AUH: variants seen among roughly 807,000 people sequenced by gnomAD.
The protein encoded by AUH is AU RNA binding methylglutaconyl-CoA hydratase, also known as methylglutaconyl-CoA hydratase, mitochondrial.
Under a neutral mutation model 42.3 loss-of-function variants are expected in AUH, and 29 were observed. The observed-to-expected ratio is 0.69, with a 90% confidence interval of 0.51 to 0.93. The LOEUF is 0.93. Ranked by LOEUF, AUH falls within the 40% of genes least tolerant of loss-of-function variation. The probability of loss-of-function intolerance (pLI) is 0.00; values close to 1 mark genes in which losing one functional copy is unlikely to be tolerated. For synonymous variants in AUH, 174 were observed against 166.4 expected, an observed-to-expected ratio of 1.05 and a Z score of -0.35; for missense variants, 452 against 438.1, an observed-to-expected ratio of 1.03 and a Z score of -0.28.
intron 3 of AUH, among the ~76,000 whole-genome samples, chr9:91,349,922 C>T (rs904537270): frequency 2.6e-5 from 4 of 152,076 alleles, no homozygotes; most frequent in Admixed American, 1.3e-4. Context: ...TTCTAATCTA[C>T]AAGAAAGAAT....
chr9:91,357,479 C>T (rs184042847), intron 1 of AUH: 14 of 966,746 alleles, frequency 1.4e-5, no homozygotes, highest in Admixed American at 6.2e-5. Flanking sequence ...ATACTGAGTA[C>T]GTACTATAGT....
chr9:91,288,549 C>CAAT (rs1183435508), intron 6 of AUH, among the ~76,000 whole-genome samples: 1 of 151,958 alleles, frequency 6.6e-6, no homozygotes, highest in Non-Finnish European at 1.5e-5. Flanking sequence ...TGCTTCAAAT[C>CAAT]AATAGTGTTT....
rs542293212 is a variant in AUH, at chr9:91,233,371, T to C, written c.656-12379A>G. Among the ~76,000 whole-genome samples, 152 of 152,210 alleles carry C rather than the reference T, an allele frequency of 1.0e-3. 1 individual carries two copies. The highest frequency in any genetic ancestry group is 3.3e-3 in the African/African-American group (139 of 41,532). On this transcript the variant is annotated intron_variant, in intron 6 of 9. Transcript: ENST00000375731. ...TTGTGGAGCACAAGGAGGTCCAGTG[T>C]GGCTGAAGTGCACAGCAGGGGCAGA...
chr9:91,238,946 G>T (rs1828343264), intron 6 of AUH, among the ~76,000 whole-genome samples: 2 of 152,144 alleles, frequency 1.3e-5, no homozygotes, highest in Non-Finnish European at 2.9e-5. Context: ...AAGACCAAAA[G>T]ACCTAAATTC....
chr9:91,291,297 T>C (rs1389009035), intron 6 of AUH, among the ~76,000 whole-genome samples: 1 of 152,158 alleles, frequency 6.6e-6, no homozygotes, highest in Non-Finnish European at 1.5e-5. Flanking sequence ...CTGACATCTC[T>C]TGGTGTCTGT....
intron 6 of AUH, among the ~76,000 whole-genome samples, chr9:91,263,635 T>C (rs1829817103): frequency 6.6e-6 from 1 of 152,224 alleles, no homozygotes; most frequent in Admixed American, 6.5e-5. Flanking sequence ...CCAATAACAC[T>C]AGAGAATTTC....
At chr9:91,220,681 A>C in intron 7 of AUH, 124 bp downstream of exon 7, 2 of 954,894 alleles carry the variant, frequency 2.1e-6, no homozygotes, top group Non-Finnish European at 1.6e-6. Flanking sequence ...TACAGAGCCC[A>C]CGCATCCCTT....
At chr9:91,332,572 A>C (rs764659906) in intron 3 of AUH, among the ~76,000 whole-genome samples, 1 of 152,176 alleles carries the variant, frequency 6.6e-6, no homozygotes, top group Non-Finnish European at 1.5e-5. Context: ...AGGTTCATAA[A>C]CTTGGAAAGG....
chr9:91,298,554 T>C (rs1827533207), intron 4 of AUH, among the ~76,000 whole-genome samples: 1 of 152,208 alleles, frequency 6.6e-6, no homozygotes, highest in Non-Finnish European at 1.5e-5. Flanking sequence ...GTCCAAGTAG[T>C]TGCTGTGGCA....
In AUH at chr9:91,214,250, G is replaced by T; in HGVS notation, c.*98C>A. The T allele has an allele frequency of 9.8e-7, 1 of 1,016,350 alleles. No homozygotes were observed. Among genetic ancestry groups the T allele is most frequent in the Non-Finnish European group, 1.5e-6 (1 of 666,018 alleles). 63.0% of individuals were successfully genotyped at this position (1,016,350 alleles called of 1,614,324 possible). ...TATGAATAATCTGCTCTTCACTTTG[G>T]TCATTAAGGTTCCATGTGCTGAGGC... On this transcript the variant is annotated 3_prime_UTR_variant, in exon 10 of 10. Transcript: ENST00000375731.
chr9:91,278,661 A>C (rs1825733403), intron 6 of AUH, among the ~76,000 whole-genome samples: 1 of 152,218 alleles, frequency 6.6e-6, no homozygotes, highest in Non-Finnish European at 1.5e-5. Flanking sequence ...AAATAATGCA[A>C]CTGAAGAATA....
At chr9:91,255,951 T>C (rs1483865206) in intron 6 of AUH, among the ~76,000 whole-genome samples, 3 of 152,178 alleles carry the variant, frequency 2.0e-5, no homozygotes, top group African/African-American at 7.2e-5. Context: ...TAAAAATACA[T>C]AAGCTCTAAG....
At chr9:91,295,913 T>G in intron 6 of AUH, 108 bp downstream of exon 6, 1 of 1,260,276 alleles carries the variant, frequency 7.9e-7, no homozygotes, top group Non-Finnish European at 1.2e-6. Context: ...CAATATGCCA[T>G]TGTCTCTTTA....
chr9:91,357,606 A>C, intron 1 of AUH: 1 of 658,066 alleles, frequency 1.5e-6, no homozygotes, highest in East Asian at 1.4e-4. Context: ...ACAAGCTGTA[A>C]GTGGTGCTAC....
At chr9:91,277,873 C>T (rs1004481308) in intron 6 of AUH, among the ~76,000 whole-genome samples, 6 of 152,068 alleles carry the variant, frequency 3.9e-5, no homozygotes, top group Non-Finnish European at 4.4e-5. Context: ...TTACTTTTGT[C>T]TTTGAATGCT....
At chr9:91,333,545 T>C (rs1053664638) in intron 3 of AUH, among the ~76,000 whole-genome samples, 2 of 152,238 alleles carry the variant, frequency 1.3e-5, no homozygotes, top group Non-Finnish European at 2.9e-5. Flanking sequence ...TGCATCACAA[T>C]GAGATAGATG....
chr9:91,285,831 T>C (rs998700799), intron 6 of AUH, among the ~76,000 whole-genome samples: 23 of 152,162 alleles, frequency 1.5e-4, no homozygotes, highest in African/African-American at 5.3e-4. Flanking sequence ...GGTATGTTAA[T>C]AATGTTAATA....
intron 6 of AUH, among the ~76,000 whole-genome samples, chr9:91,255,520 G>GT (rs1050450193): frequency 9.2e-5 from 14 of 152,268 alleles, no homozygotes; most frequent in African/African-American, 3.1e-4. Context: ...CCAGCTGCTT[G>GT]TAATAAAATA....
At chr9:91,354,261 C>T (rs991473691) in intron 3 of AUH, among the ~76,000 whole-genome samples, 4 of 152,044 alleles carry the variant, frequency 2.6e-5, no homozygotes, top group Admixed American at 6.6e-5. Context: ...ATGATATGCC[C>T]CAATTTTTCT....
Sources: allele counts gnomAD v4.1 joint callset (sites outside exome capture counted in the v4.1 genomes callset), GRCh38; gene constraint gnomAD v4.1.1; transcripts MANE v1.5; gene names NCBI Gene and HGNC (gene_info 2026-07-23, HGNC 2026-07-21).